AMPD3: variants seen among roughly 807,000 people sequenced by gnomAD.
AMPD3 encodes the protein adenosine monophosphate deaminase 3, also known as AMP deaminase 3.
A neutral mutation model predicts 82.3 loss-of-function variants in AMPD3; 57 were observed. The ratio of observed to expected loss-of-function variants is 0.69; its 90% CI spans 0.56 to 0.86. The LOEUF (loss-of-function observed/expected upper bound fraction) is 0.86. Among genes scored for constraint, AMPD3 ranks in the 40% least tolerant of loss-of-function variants. The pLI is 0.00. For synonymous variants in AMPD3, 381 were observed against 394.7 expected (o/e 0.97, Z 0.41); for missense variants, 870 against 1,003.8 (o/e 0.87, Z 1.80).
At position 10,503,440 on chromosome 11, in the gene AMPD3, A is replaced by T. The variant is rs138927680; in HGVS notation, c.2016+546A>T. Among the ~76,000 whole-genome samples, 5 of 152,330 alleles carry T rather than the reference A, an allele frequency of 3.3e-5. No homozygotes were observed. The East Asian group carries it at 9.6e-4, about 29-fold the overall frequency. ...CCAGCATGTTTTGATGGTGTCGACAAGACCAGCCATTGCTTAACAAAAACA... is the reference window on the plus strand; with the variant it reads ...CCAGCATGTTTTGATGGTGTCGACATGACCAGCCATTGCTTAACAAAAACA... On this transcript the variant is annotated intron_variant, in intron 13 of 14. Coordinates refer to ENST00000396553, the MANE Select transcript of AMPD3 (RefSeq NM_001025389.2).
At chr11:10,491,292 C>T (rs1344606736) in intron 6 of AMPD3, among the ~76,000 whole-genome samples, 1 of 152,172 alleles carries the variant, frequency 6.6e-6, no homozygotes, top group African/African-American at 2.4e-5. Flanking sequence ...GAGGCCATCC[C>T]TCAGCTTAGC....
chr11:10,451,018 C>G, upstream of AMPD3: 1 of 1,580,796 alleles, frequency 6.3e-7, no homozygotes, highest in South Asian at 1.1e-5. Flanking sequence ...TTTCGGCCGG[C>G]GGCATGGCCC....
chr11:10,494,156 G>T (rs1261427570), intron 7 of AMPD3, among the ~76,000 whole-genome samples: 1 of 152,146 alleles, frequency 6.6e-6, no homozygotes, highest in Non-Finnish European at 1.5e-5. Context: ...GCCATAAAAG[G>T]GAGTCAAGTA....
intron 1 of AMPD3, chr11:10,455,882 A>C: frequency 1.0e-6 from 1 of 984,128 alleles, no homozygotes; most frequent in Middle Eastern, 5.2e-4. Flanking sequence ...TCCCCTTGAT[A>C]AAATGCAGCC....
At chr11:10,496,772 G>C in intron 9 of AMPD3, 40 bp from the exon 10 acceptor site, 1 of 1,614,050 alleles carries the variant, frequency 6.2e-7, no homozygotes, top group South Asian at 1.1e-5. Context: ...GCAGCAGGCT[G>C]TTGGATCCAC....
rs1395227473 is a variant in AMPD3, at chr11:10,506,821, T to C, written c.*937T>C. ...TTAAGGGCACACAGCTAATAAGTAA[T>C]AGGCCTAAACTGGATTTCCTTATTC... On this transcript the variant is annotated 3_prime_UTR_variant, in exon 15 of 15. Transcript: ENST00000396553. The surrounding 1 kb of genome is among the most constrained non-coding windows in gnomAD (Gnocchi z 4.1). 5 of 152,168 alleles carry C rather than the reference T, an allele frequency of 3.3e-5. No individual in the cohort carries two copies. Among genetic ancestry groups the C allele is most frequent in the African/African-American group, 1.2e-4 (5 of 41,424 alleles). 9.4% of individuals were successfully genotyped at this position (152,168 alleles called of 1,614,324 possible). A position where few individuals can be genotyped will look rare whatever the true frequency, so the allele number is the denominator to read the frequency against.
At chr11:10,505,167 A>C in intron 14 of AMPD3, 1 of 985,428 alleles carries the variant, frequency 1.0e-6, no homozygotes, top group Non-Finnish European at 1.2e-6. Flanking sequence ...AAAAAGCCTG[A>C]TGAGGAGCTG....
chr11:10,484,746 C>T, intron 4 of AMPD3, 74 bp from the exon 5 acceptor site: 2 of 1,553,390 alleles, frequency 1.3e-6, no homozygotes, highest in Non-Finnish European at 1.8e-6. Context: ...CCAGCGCAGG[C>T]CTCCGTGTCT....
intron 1 of AMPD3, chr11:10,461,151 G>A (rs1482101405): frequency 7.5e-6 from 9 of 1,204,918 alleles, no homozygotes; most frequent in Non-Finnish European, 9.4e-6. Context: ...TAGTCTGGAG[G>A]AGGGAGAGCT....
chr11:10,488,022 A>AG lies in AMPD3; in HGVS notation c.939+659dup, dbSNP rs752731615. On this transcript the variant is annotated intron_variant, in intron 6 of 14. Coordinates refer to ENST00000396553, the MANE Select transcript of AMPD3 (RefSeq NM_001025389.2). Reference sequence around the variant, plus strand: ...ATTTAAATTCCCTGAAAAAAAAAAAAGATCTCTCTGGAGATGGGAGTTTGT... The same window carrying AG: ...ATTTAAATTCCCTGAAAAAAAAAAAAGGATCTCTCTGGAGATGGGAGTTTGT... Among the ~76,000 whole-genome samples the AG allele has an allele frequency of 9.9e-5, 15 of 152,122 alleles. No individual in the cohort carries two copies. In the East Asian group the frequency reaches 1.7e-3, roughly 18 times the overall value.
chr11:10,454,689 C>T (rs1848042997), upstream of AMPD3, among the ~76,000 whole-genome samples: 1 of 152,108 alleles, frequency 6.6e-6, no homozygotes, highest in Non-Finnish European at 1.5e-5. Flanking sequence ...AATAAAATTC[C>T]CTGAACGTGT....
intron 2 of AMPD3, among the ~76,000 whole-genome samples, chr11:10,464,636 G>A (rs1848367239): frequency 6.6e-6 from 1 of 152,136 alleles, no homozygotes; most frequent in Non-Finnish European, 1.5e-5. Context: ...TTGGTCCCTG[G>A]ACTGTCAGAT....
At chr11:10,463,089 C>T (rs1398109925) in intron 2 of AMPD3, among the ~76,000 whole-genome samples, 3 of 152,146 alleles carry the variant, frequency 2.0e-5, no homozygotes, top group African/African-American at 7.2e-5. Flanking sequence ...TCTGCCTGCC[C>T]GGTACCCTGC....
intron 2 of AMPD3, among the ~76,000 whole-genome samples, chr11:10,468,188 G>A (rs1191260837): frequency 1.3e-5 from 2 of 152,084 alleles, no homozygotes; most frequent in Admixed American, 6.6e-5. Flanking sequence ...AAATGTAAAC[G>A]GGCTAAATGC....
At chr11:10,501,423 G>A (rs1252305992) in intron 11 of AMPD3, 47 bp from the exon 12 acceptor site, 1 of 1,606,864 alleles carries the variant, frequency 6.2e-7, no homozygotes, top group African/African-American at 1.3e-5. Flanking sequence ...CCCAGGCAGA[G>A]CCAACTGGGG....
chr11:10,493,282 G>A, intron 6 of AMPD3, 67 bp from the exon 7 acceptor site: 2 of 1,578,736 alleles, frequency 1.3e-6, no homozygotes, highest in East Asian at 2.2e-5. Flanking sequence ...ATTGAGGGTT[G>A]GATGTCTTAA....
chr11:10,495,011 A>G lies in AMPD3; in HGVS notation c.1247A>G (p.Tyr416Cys). The change falls in exon 8 of 15, where the codon TAC (tyrosine) becomes TGC (cysteine). Residue 416 changes from tyrosine (Y) to cysteine (C), a missense_variant. Transcript: ENST00000396553. ...ACTGAAAACTATCTGGGAGGAGAGT[A>G]CTTTGCTCGGATGGTCAAGGTGAGT... ...LKTENYLGGE[Y>C]FARMVKEVAR... 1.2e-6 allele frequency: 2 copies of G among 1,614,208 alleles called. No individual in the cohort carries two copies. The highest frequency in any genetic ancestry group is 1.7e-6 in the Non-Finnish European group (2 of 1,180,022).
At chr11:10,462,700 G>C (rs1848306203) in intron 2 of AMPD3, among the ~76,000 whole-genome samples, 1 of 152,150 alleles carries the variant, frequency 6.6e-6, no homozygotes, top group Non-Finnish European at 1.5e-5. Flanking sequence ...TGAAAGAGAT[G>C]AATAAGGATG....
intron 1 of AMPD3, among the ~76,000 whole-genome samples, chr11:10,459,029 CT>C (rs1359397386): frequency 6.6e-6 from 1 of 152,224 alleles, no homozygotes; most frequent in South Asian, 2.1e-4. Flanking sequence ...TTTCTCTCCC[CT>C]GTCACCTCCT....
Sources: allele counts gnomAD v4.1 joint callset (sites outside exome capture counted in the v4.1 genomes callset), GRCh38; gene constraint gnomAD v4.1.1; non-coding constraint Gnocchi (gnomAD v3.1); transcripts MANE v1.5; gene names NCBI Gene and HGNC (gene_info 2026-07-23, HGNC 2026-07-21).